ACAN: variants seen among roughly 807,000 people sequenced by gnomAD.
ACAN encodes aggrecan, also known as aggrecan core protein.
Under a neutral mutation model 169.1 loss-of-function variants are expected in ACAN, and 47 were observed. That is an observed-to-expected ratio of 0.28 (90% confidence interval 0.22 to 0.35). The LOEUF (loss-of-function observed/expected upper bound fraction) is 0.35. Among genes scored for constraint, ACAN ranks in the 10% least tolerant of loss-of-function variants. ACAN has a pLI of 1.00. For missense variants in ACAN, 2,716 were observed against 2,759.9 expected, an observed-to-expected ratio of 0.98 and a Z score of 0.36; for synonymous variants, 1,115 against 1,112.2, an observed-to-expected ratio of 1.00 and a Z score of -0.05.
At chr15:88,831,384 G>GGGAGT (rs557190779) in intron 1 of ACAN, among the ~76,000 whole-genome samples, 118 of 152,352 alleles carry the variant, frequency 7.7e-4, no homozygotes, top group African/African-American at 2.7e-3. Flanking sequence ...GAATGTGAAG[G>GGGAGT]GGTCTACCTC....
intron 1 of ACAN, among the ~76,000 whole-genome samples, chr15:88,834,588 TC>T (rs1355557794): frequency 6.6e-6 from 1 of 152,246 alleles, no homozygotes; most frequent in Non-Finnish European, 1.5e-5. Flanking sequence ...TCCAATCTTT[TC>T]TTTAGTCCCA....
intron 1 of ACAN, among the ~76,000 whole-genome samples, chr15:88,828,917 G>A (rs1896292482): frequency 6.6e-6 from 1 of 152,186 alleles, no homozygotes; most frequent in Admixed American, 6.5e-5. Context: ...GCACTCACTA[G>A]GCTAGAAGCA....
chr15:88,854,795 T>C, intron 11 of ACAN, 57 bp from the exon 12 acceptor site: 2 of 1,363,576 alleles, frequency 1.5e-6, no homozygotes. Context: ...CATTTGAGCT[T>C]AAAGTGGGGC....
At position 88,855,040 on chromosome 15, in the gene ACAN, C is replaced by A; in HGVS notation, c.2455C>A (p.Pro819Thr). 1 of 1,591,728 alleles carries A rather than the reference C, an allele frequency of 6.3e-7. No homozygotes were observed. The highest frequency in any genetic ancestry group is 8.5e-7 in the Non-Finnish European group (1 of 1,170,572). ...GCCATTCCCCTCAGTGGAGCTGTTCCCCTCAGAGGAGCCATTCCCCTCCAA... is the reference window on the plus strand; with the variant it reads ...GCCATTCCCCTCAGTGGAGCTGTTCACCTCAGAGGAGCCATTCCCCTCCAA... ...VRPFPSVELF[P>T]SEEPFPSKEP... is the part of the protein sequence containing the mutation. The change falls in exon 12 of 19, where the codon CCC (proline) becomes ACC (threonine). Residue 819 changes from proline to threonine, a missense_variant. Physicochemically the swap from Pro to Thr is conservative, Grantham distance 38 (BLOSUM62 -1). Around this residue, in one of 3 missense-constraint regions of ACAN, gnomAD observed 1,283 missense variants for 1,281.5 expected, o/e 1.00. Transcript: ENST00000560601.
chr15:88,822,092 C>T (rs779504129), intron 1 of ACAN, among the ~76,000 whole-genome samples: 5 of 152,334 alleles, frequency 3.3e-5, no homozygotes, highest in African/African-American at 4.8e-5. Context: ...GGTTATACTG[C>T]GGTGTGGTCA....
Position 88,838,850 on chromosome 15 carries a change from G to A in ACAN, c.258G>A (p.Leu86=). The change falls in exon 3 of 19, where the codon CTG becomes CTA. Residue 86 remains leucine, a synonymous_variant. Coordinates refer to ENST00000560601, the MANE Select transcript of ACAN (RefSeq NM_001369268.1). The surrounding 1 kb of genome is among the most constrained non-coding windows in gnomAD (Gnocchi z 5.1). ...TGTCCAAGGAGAAGGAGGTAGTGCT[G>A]CTGGTGGCCACTGAAGGGCGCGTGC... is the stretch of plus-strand genomic sequence containing the variant. ...SRVSKEKEVV[L]LVATEGRVRV... 1.2e-6 allele frequency: 2 copies of A among 1,614,044 alleles called. No homozygotes were observed. The highest frequency in any genetic ancestry group is 1.7e-6 in the Non-Finnish European group (2 of 1,179,912).
At position 88,839,901 on chromosome 15, in the gene ACAN, G is replaced by C. The variant is rs1896605046; in HGVS notation, c.455-111G>C. ...GGGAGTCATGCATCAGCCCAGACCA[G>C]CCAGTTCCCTAAGGTCCCTTTGACT... is the stretch of plus-strand genomic sequence containing the variant. On this transcript the variant is annotated intron_variant, in intron 3 of 18. Coordinates refer to ENST00000560601, the MANE Select transcript of ACAN (RefSeq NM_001369268.1). This position sits in a 1 kb window ranked among gnomAD's most constrained non-coding sequence, Gnocchi z 4.5. 7.5e-7 allele frequency: 1 copy of C among 1,337,242 alleles called. No individual in the cohort carries two copies. Among genetic ancestry groups the C allele is most frequent in the Non-Finnish European group, 1.0e-6 (1 of 973,580 alleles). 82.8% of individuals were successfully genotyped at this position (1,337,242 alleles called of 1,614,324 possible). A position where few individuals can be genotyped will look rare whatever the true frequency, so the allele number is the denominator to read the frequency against.
In ACAN at chr15:88,838,337, C is replaced by G. The variant is rs1313604292; in HGVS notation, c.71-326C>G. Among the ~76,000 whole-genome samples, 1 of 152,130 alleles carries G rather than the reference C, an allele frequency of 6.6e-6. No homozygotes were observed. Among genetic ancestry groups the G allele is most frequent in the Non-Finnish European group, 1.5e-5 (1 of 68,026 alleles). On this transcript the variant is annotated intron_variant, in intron 2 of 18. Coordinates refer to ENST00000560601, the MANE Select transcript of ACAN (RefSeq NM_001369268.1). This position sits in a 1 kb window ranked among gnomAD's most constrained non-coding sequence, Gnocchi z 5.1. ...CTGTTTTATTCCACGCTTTGGTGCC[C>G]ACTGCAGTACCCCAGTTTGAGAAAC...
rs1897198544 is a variant in ACAN, at chr15:88,861,765, G to C, written c.6946+1326G>C. ...ACTCTTGGGAAATCCTTCTTAACCT[G>C]ATACTTGAGGCAAAAATCTGACACT... On this transcript the variant is annotated intron_variant, in intron 13 of 18. Coordinates refer to ENST00000560601, the MANE Select transcript of ACAN (RefSeq NM_001369268.1). The surrounding 1 kb of genome is among the most constrained non-coding windows in gnomAD (Gnocchi z 6.3). 6.6e-6 allele frequency among the ~76,000 whole-genome samples: 1 copy of C among 152,098 alleles called. No individual in the cohort carries two copies. The highest frequency in any genetic ancestry group is 6.5e-5 in the Admixed American group (1 of 15,268).
intron 1 of ACAN, among the ~76,000 whole-genome samples, chr15:88,833,164 T>A (rs1461135119): frequency 3.3e-5 from 5 of 152,226 alleles, no homozygotes; most frequent in Non-Finnish European, 7.3e-5. Context: ...AGAGTCTGGC[T>A]GATGAGGAGG....
chr15:88,858,768 A>G lies in ACAN; in HGVS notation c.6183A>G (p.Thr2061=). 1 of 1,613,940 alleles carries G rather than the reference A, an allele frequency of 6.2e-7. No homozygotes were observed. The highest frequency in any genetic ancestry group is 8.5e-7 in the Non-Finnish European group (1 of 1,179,888). ...SQELGQRPPV[T]HTPQLFESSG... Reference sequence around the variant, plus strand: ...AACTAGGCCAAAGGCCCCCTGTGACACACACACCCCAGCTTTTTGAGTCCA... The same window carrying G: ...AACTAGGCCAAAGGCCCCCTGTGACGCACACACCCCAGCTTTTTGAGTCCA... The change falls in exon 12 of 19, where the codon ACA becomes ACG. Residue 2061 remains threonine (T), a synonymous_variant. Transcript: ENST00000560601. This position sits in a 1 kb window ranked among gnomAD's most constrained non-coding sequence, Gnocchi z 4.0.
chr15:88,874,914 G>C lies in ACAN; in HGVS notation c.*433G>C, dbSNP rs1897476046. On this transcript the variant is annotated 3_prime_UTR_variant, in exon 19 of 19. Transcript: ENST00000560601. This position sits in a 1 kb window ranked among gnomAD's most constrained non-coding sequence, Gnocchi z 7.3. ...GGGAGGAGGGAGGAGGGCTCCAAAG[G>C]AGCTGGAAGGAGCAGAGGCCTGAGA... 8.8e-6 allele frequency: 3 copies of C among 340,320 alleles called. No homozygotes were observed. The highest frequency in any genetic ancestry group is 1.7e-5 in the Non-Finnish European group (3 of 175,168). 21.1% of individuals were successfully genotyped at this position (340,320 alleles called of 1,614,324 possible).
In ACAN at chr15:88,858,205, G is replaced by A; in HGVS notation, c.5620G>A (p.Val1874Ile). 1 of 1,613,978 alleles carries A rather than the reference G, an allele frequency of 6.2e-7. No homozygotes were observed. The highest frequency in any genetic ancestry group is 8.5e-7 in the Non-Finnish European group (1 of 1,179,886). The change falls in exon 12 of 19, where the codon GTC becomes ATC. Residue 1874 changes from valine to isoleucine, a missense_variant. Val to Ile is a conservative substitution (Grantham distance 29). Transcript: ENST00000560601. The surrounding 1 kb of genome is among the most constrained non-coding windows in gnomAD (Gnocchi z 4.0). ...DLSGKSGMVD[V>I]SGQFSGTVDS... ...GTCAGGCAAATCTGGGATGGTGGAT[G>A]TCAGTGGACAGTTTTCTGGAACAGT...
chr15:88,860,835 T>C (rs1208026988), intron 13 of ACAN, among the ~76,000 whole-genome samples: 1 of 152,152 alleles, frequency 6.6e-6, no homozygotes, highest in Non-Finnish European at 1.5e-5. Flanking sequence ...TCTTGTATCG[T>C]GCAGAGTGAA....
At chr15:88,822,469 GT>G (rs11352043) in intron 1 of ACAN, among the ~76,000 whole-genome samples, 52,979 of 146,062 alleles carry the variant, frequency 0.36, 9,451 homozygotes, top group East Asian at 0.53. Flanking sequence ...CTAACTACAT[GT>G]TTTTTTTTTT....
chr15:88,855,142 G>A lies in ACAN; in HGVS notation c.2557G>A (p.Glu853Lys). ...TTCACCCCCCGTGCCCAGCTGGACT[G>A]AGCTGCCCAGCTCTGGGGAGGAATC... ...TPSPPVPSWT[E>K]LPSSGEESGA... The change falls in exon 12 of 19, where the codon GAG (glutamate) becomes AAG (lysine). Residue 853 changes from glutamate to lysine, a missense_variant. Coordinates refer to ENST00000560601, the MANE Select transcript of ACAN (RefSeq NM_001369268.1). 6.8e-6 allele frequency: 11 copies of A among 1,609,502 alleles called. No individual in the cohort carries two copies. The highest frequency in any genetic ancestry group is 9.3e-6 in the Non-Finnish European group (11 of 1,177,208).
intron 1 of ACAN, among the ~76,000 whole-genome samples, chr15:88,806,380 C>G (rs1159190506): frequency 3.4e-5 from 5 of 149,208 alleles, no homozygotes. Context: ...AGATGGGAGT[C>G]TTGCTCTGTT....
chr15:88,865,904 AT>A (rs1897272863), intron 13 of ACAN, among the ~76,000 whole-genome samples: 1 of 152,178 alleles, frequency 6.6e-6, no homozygotes, highest in South Asian at 2.1e-4. Flanking sequence ...GCTGCTGAAG[AT>A]GCTGACTCAG....
At position 88,839,372 on chromosome 15, in the gene ACAN, C is replaced by T. The variant is rs1404423919; in HGVS notation, c.454+326C>T. 2.6e-5 allele frequency among the ~76,000 whole-genome samples: 4 copies of T among 152,190 alleles called. No individual in the cohort carries two copies. Among genetic ancestry groups the T allele is most frequent in the Non-Finnish European group, 5.9e-5 (4 of 68,040 alleles). ...GGGCAAGTGACTTGCCTGAGGTTACCCTGGAAATGAGTCAGAGCAGTCTCC... is the reference window on the plus strand; with the variant it reads ...GGGCAAGTGACTTGCCTGAGGTTACTCTGGAAATGAGTCAGAGCAGTCTCC... On this transcript the variant is annotated intron_variant, in intron 3 of 18. Transcript: ENST00000560601. This position sits in a 1 kb window ranked among gnomAD's most constrained non-coding sequence, Gnocchi z 4.5.
Sources: allele counts gnomAD v4.1 joint callset (sites outside exome capture counted in the v4.1 genomes callset), GRCh38; gene constraint gnomAD v4.1.1; regional missense constraint gnomAD v4.1.1; non-coding constraint Gnocchi (gnomAD v3.1); transcripts MANE v1.5; gene names NCBI Gene and HGNC (gene_info 2026-07-23, HGNC 2026-07-21).